KCNIP4: variants seen among roughly 807,000 people sequenced by gnomAD.
The protein encoded by KCNIP4 is potassium voltage-gated channel interacting protein 4.
Under a neutral mutation model 34.0 loss-of-function variants are expected in KCNIP4, and 12 were observed. The ratio of observed to expected loss-of-function variants is 0.35; its 90% CI spans 0.23 to 0.57. The LOEUF is 0.57. Among genes scored for constraint, KCNIP4 ranks in the 20% least tolerant of loss-of-function variants. The pLI is 0.83. For synonymous variants in KCNIP4, 124 were observed against 102.2 expected, an observed-to-expected ratio of 1.21 and a Z score of -1.29; for missense variants, 238 against 311.7, an observed-to-expected ratio of 0.76 and a Z score of 1.78.
At chr4:21,690,616 G>A (rs1560633057) in intron 1 of KCNIP4, among the ~76,000 whole-genome samples, 1 of 152,096 alleles carries the variant, frequency 6.6e-6, no homozygotes, top group Non-Finnish European at 1.5e-5. Context: ...AGATACTGGT[G>A]CAATACTTGT....
intron 1 of KCNIP4, among the ~76,000 whole-genome samples, chr4:21,343,487 C>T (rs1309200166): frequency 6.6e-6 from 1 of 152,098 alleles, no homozygotes; most frequent in Non-Finnish European, 1.5e-5. Context: ...TTTATTATCT[C>T]TCCTCAGTCA....
chr4:20,933,352 A>G lies in KCNIP4; in HGVS notation c.62-50643T>C, dbSNP rs181744130. 9.8e-5 allele frequency among the ~76,000 whole-genome samples: 15 copies of G among 152,322 alleles called. No individual in the cohort carries two copies. In the South Asian group the frequency reaches 1.9e-3, roughly 19 times the overall value. ...TATAAGTTGTTAAATAAAATTTCCT[A>G]TTTTAGTCATGGATGCATACAAGTA... On this transcript the variant is annotated intron_variant, in intron 1 of 8. Coordinates refer to ENST00000382152, the MANE Select transcript of KCNIP4 (RefSeq NM_025221.6).
intron 1 of KCNIP4, among the ~76,000 whole-genome samples, chr4:21,791,209 T>C (rs148346791): frequency 5.3e-5 from 8 of 152,174 alleles, no homozygotes; most frequent in Non-Finnish European, 1.2e-4. Context: ...TGACTTCTCA[T>C]TGTATACTCA....
At position 21,032,071 on chromosome 4, in the gene KCNIP4, G is replaced by A. The variant is rs192411374; in HGVS notation, c.62-149362C>T. ...ACAGCCTCGAAGGGCCTCACACCAA[G>A]ACATGGCAGATGAGGAATGACAGGA... On this transcript the variant is annotated intron_variant, in intron 1 of 8. Transcript: ENST00000382152. 1.8e-3 allele frequency among the ~76,000 whole-genome samples: 277 copies of A among 152,264 alleles called. 1 individual carries two copies. Among genetic ancestry groups the A allele is most frequent in the Non-Finnish European group, 2.3e-3 (159 of 68,034 alleles).
intron 2 of KCNIP4, among the ~76,000 whole-genome samples, chr4:20,862,680 A>G (rs1409767078): frequency 6.6e-6 from 1 of 152,152 alleles, no homozygotes; most frequent in East Asian, 1.9e-4. Context: ...TATGTTCATT[A>G]CAACACTATT....
At chr4:20,830,726 T>G (rs1718324235) in intron 3 of KCNIP4, among the ~76,000 whole-genome samples, 1 of 152,218 alleles carries the variant, frequency 6.6e-6, no homozygotes, top group African/African-American at 2.4e-5. Flanking sequence ...GCCTGTTTGC[T>G]TCTTGAGGGA....
At chr4:21,253,471 C>G (rs970757673) in intron 1 of KCNIP4, among the ~76,000 whole-genome samples, 1 of 152,174 alleles carries the variant, frequency 6.6e-6, no homozygotes, top group Non-Finnish European at 1.5e-5. Flanking sequence ...TAGCACCAAC[C>G]TCTTCTGAAA....
intron 1 of KCNIP4, among the ~76,000 whole-genome samples, chr4:21,468,717 T>A (rs1730200136): frequency 6.6e-6 from 1 of 152,216 alleles, no homozygotes. Flanking sequence ...TTTGGATCAC[T>A]TGCTCTTAAA....
chr4:21,367,201 T>G (rs908602473), intron 1 of KCNIP4, among the ~76,000 whole-genome samples: 2 of 152,190 alleles, frequency 1.3e-5, no homozygotes, highest in African/African-American at 4.8e-5. Context: ...TGTTTACAAA[T>G]TACCCAGTCT....
intron 1 of KCNIP4, among the ~76,000 whole-genome samples, chr4:21,570,045 C>G (rs1740245212): frequency 6.6e-6 from 1 of 152,008 alleles, no homozygotes; most frequent in Non-Finnish European, 1.5e-5. Context: ...CTGAAGCCAT[C>G]GTTGTCTGCC....
At chr4:21,414,649 C>G (rs916653909) in intron 1 of KCNIP4, among the ~76,000 whole-genome samples, 2 of 152,102 alleles carry the variant, frequency 1.3e-5, no homozygotes, top group African/African-American at 4.8e-5. Flanking sequence ...CATTGCAGCA[C>G]TATTCACAAT....
chr4:21,592,651 G>A (rs1337621709), intron 1 of KCNIP4, among the ~76,000 whole-genome samples: 2 of 152,152 alleles, frequency 1.3e-5, no homozygotes, highest in African/African-American at 4.8e-5. Context: ...ATCATTGTAA[G>A]GCACGTGCTT....
intron 1 of KCNIP4, among the ~76,000 whole-genome samples, chr4:21,468,211 C>T (rs1479516871): frequency 6.6e-6 from 1 of 150,888 alleles, no homozygotes; most frequent in Non-Finnish European, 1.5e-5. Flanking sequence ...AGAATGATCA[C>T]ATAGTTACTA....
intron 1 of KCNIP4, among the ~76,000 whole-genome samples, chr4:21,310,845 G>T (rs1713079011): frequency 6.6e-6 from 1 of 151,742 alleles, no homozygotes; most frequent in South Asian, 2.1e-4. Context: ...AGCCAGGACG[G>T]TCTGGATCGC....
At chr4:20,833,047 A>G (rs1056118709) in intron 3 of KCNIP4, among the ~76,000 whole-genome samples, 2 of 152,192 alleles carry the variant, frequency 1.3e-5, no homozygotes, top group African/African-American at 4.8e-5. Flanking sequence ...TCTGTCACCA[A>G]ATAGCTTGTG....
At chr4:21,082,641 A>G (rs1165694740) in intron 1 of KCNIP4, among the ~76,000 whole-genome samples, 1 of 151,156 alleles carries the variant, frequency 6.6e-6, no homozygotes, top group Non-Finnish European at 1.5e-5. Flanking sequence ...CTTACAGGGA[A>G]AAAAAAAACT....
intron 7 of KCNIP4, 49 bp from the exon 8 acceptor site, chr4:20,732,117 C>T: frequency 7.7e-7 from 1 of 1,292,102 alleles, no homozygotes; most frequent in Non-Finnish European, 1.1e-6. Context: ...CCCTTAATAC[C>T]CTCACACCTG....
chr4:21,941,287 A>G (rs1407250437), intron 1 of KCNIP4, among the ~76,000 whole-genome samples: 1 of 152,116 alleles, frequency 6.6e-6, no homozygotes, highest in Non-Finnish European at 1.5e-5. Flanking sequence ...AGCACAACAA[A>G]AAAAGACAGA....
At chr4:20,921,240 A>T (rs1179668155) in intron 1 of KCNIP4, among the ~76,000 whole-genome samples, 1 of 152,176 alleles carries the variant, frequency 6.6e-6, no homozygotes, top group Non-Finnish European at 1.5e-5. Context: ...GCCAATGTTT[A>T]AAAGCTTGTA....
Sources: allele counts gnomAD v4.1 joint callset (sites outside exome capture counted in the v4.1 genomes callset), GRCh38; gene constraint gnomAD v4.1.1; transcripts MANE v1.5; gene names NCBI Gene and HGNC (gene_info 2026-07-23, HGNC 2026-07-21).